The following BMPR1B variants were observed in gnomAD, a reference collection of about 807,000 sequenced individuals.
The protein encoded by BMPR1B is bone morphogenetic protein receptor type-1B.
In BMPR1B, 12 loss-of-function variants were observed where a neutral mutation model predicts 59.1. The ratio of observed to expected loss-of-function variants is 0.20; its 90% CI spans 0.13 to 0.33. The LOEUF is 0.33. Ranked by LOEUF, BMPR1B falls within the 10% of genes least tolerant of loss-of-function variation. BMPR1B has a pLI of 1.00. For synonymous variants in BMPR1B, 237 were observed against 207.3 expected, an observed-to-expected ratio of 1.14 and a Z score of -1.23; for missense variants, 550 against 610.9, an observed-to-expected ratio of 0.90 and a Z score of 1.05.
chr4:94,890,580 T>C (rs1541368), intron 2 of BMPR1B, among the ~76,000 whole-genome samples: 7,465 of 152,186 alleles, frequency 0.049, 448 homozygotes, highest in African/African-American at 0.14. Flanking sequence ...CGTAACGAAA[T>C]ACTTTAGAGT....
Position 94,840,835 on chromosome 4 carries a change from C to A in BMPR1B, c.-182-34996C>A, listed in dbSNP as rs192822186. Among the ~76,000 whole-genome samples the A allele has an allele frequency of 7.7e-4, 113 of 147,306 alleles. 2 individuals are homozygous for A. In the East Asian group the frequency reaches 0.017, roughly 22 times the overall value. On this transcript the variant is annotated intron_variant, in intron 1 of 12. Coordinates refer to ENST00000515059, the MANE Select transcript of BMPR1B (RefSeq NM_001203.3). Reference sequence around the variant, plus strand: ...CTGCGTTCCTTTGGAGGAGGAGAGGCGCTCTGCTTTTTGGAGTTTCCAGTT... The same window carrying A: ...CTGCGTTCCTTTGGAGGAGGAGAGGAGCTCTGCTTTTTGGAGTTTCCAGTT...
At chr4:94,808,801 A>G (rs1723706851) in intron 1 of BMPR1B, among the ~76,000 whole-genome samples, 1 of 152,218 alleles carries the variant, frequency 6.6e-6, no homozygotes, top group South Asian at 2.1e-4. Context: ...TCACAGCTGT[A>G]ATCCCAGCAC....
chr4:94,814,288 A>G (rs1355738677), intron 1 of BMPR1B, among the ~76,000 whole-genome samples: 3 of 152,238 alleles, frequency 2.0e-5, no homozygotes, highest in Non-Finnish European at 2.9e-5. Flanking sequence ...CTTGGAAAGG[A>G]AAACTTAAGA....
chr4:94,926,271 A>G (rs1283871773), intron 2 of BMPR1B, among the ~76,000 whole-genome samples: 2 of 151,808 alleles, frequency 1.3e-5, no homozygotes. Flanking sequence ...TTCGTTCTGA[A>G]TAGATGTTTT....
At chr4:94,903,092 A>G (rs1288602212) in intron 2 of BMPR1B, among the ~76,000 whole-genome samples, 1 of 152,070 alleles carries the variant, frequency 6.6e-6, no homozygotes, top group Non-Finnish European at 1.5e-5. Flanking sequence ...TGTATGTAGC[A>G]TGACTAAGTG....
chr4:95,062,762 G>A (rs1727495397), intron 3 of BMPR1B, among the ~76,000 whole-genome samples: 1 of 152,036 alleles, frequency 6.6e-6, no homozygotes, highest in Non-Finnish European at 1.5e-5. Context: ...TGATTTTATG[G>A]CTTTGGGCAA....
At chr4:95,005,627 C>T (rs1475137324) in intron 3 of BMPR1B, among the ~76,000 whole-genome samples, 1 of 152,116 alleles carries the variant, frequency 6.6e-6, no homozygotes, top group Non-Finnish European at 1.5e-5. Context: ...TCCTTCCTTT[C>T]TTTCCTAGTT....
intron 1 of BMPR1B, among the ~76,000 whole-genome samples, chr4:94,870,620 GTTTAA>G (rs1726451041): frequency 6.6e-6 from 1 of 152,156 alleles, no homozygotes; most frequent in Admixed American, 6.6e-5. Context: ...GTGTTCTACT[GTTTAA>G]TTTGACTTTT....
intron 6 of BMPR1B, among the ~76,000 whole-genome samples, chr4:95,118,217 T>TA (rs1732212813): frequency 6.6e-6 from 1 of 152,174 alleles, no homozygotes; most frequent in Non-Finnish European, 1.5e-5. Flanking sequence ...TGCAGATTCT[T>TA]ACCTTTTTGG....
chr4:95,021,591 A>G lies in BMPR1B; in HGVS notation c.-18+25457A>G, dbSNP rs530706529. ...TTTTTTTGGCATTTTGATATTTCCC[A>G]TTGGTCTACCAAAATTCACTAAGTC... On this transcript the variant is annotated intron_variant, in intron 3 of 12. Coordinates refer to ENST00000515059, the MANE Select transcript of BMPR1B (RefSeq NM_001203.3). Among the ~76,000 whole-genome samples, 97 of 152,286 alleles carry G rather than the reference A, an allele frequency of 6.4e-4. 3 individuals are homozygous for G. Among genetic ancestry groups the G allele is most frequent in the African/African-American group, 2.3e-3 (94 of 41,578 alleles).
intron 2 of BMPR1B, among the ~76,000 whole-genome samples, chr4:94,878,919 C>T (rs1726848231): frequency 1.3e-5 from 2 of 151,988 alleles, no homozygotes; most frequent in Non-Finnish European, 2.9e-5. Flanking sequence ...ATATTTCTAC[C>T]ATTTATTTAC....
chr4:94,907,922 C>T (rs536882043), intron 2 of BMPR1B, among the ~76,000 whole-genome samples: 2 of 151,376 alleles, frequency 1.3e-5, no homozygotes, highest in African/African-American at 4.8e-5. Context: ...TGGTGGCATG[C>T]ACCTGTATTC....
At chr4:94,921,116 C>T (rs1728671243) in intron 2 of BMPR1B, among the ~76,000 whole-genome samples, 1 of 152,020 alleles carries the variant, frequency 6.6e-6, no homozygotes, top group Non-Finnish European at 1.5e-5. Flanking sequence ...CTCACTAGGC[C>T]TTGACATTGA....
chr4:95,064,693 A>G (rs1254067716), intron 3 of BMPR1B, among the ~76,000 whole-genome samples: 1 of 152,204 alleles, frequency 6.6e-6, no homozygotes, highest in Non-Finnish European at 1.5e-5. Flanking sequence ...TAATAAAAAG[A>G]AAAATAACCC....
At chr4:94,900,705 A>G (rs1727777563) in intron 2 of BMPR1B, among the ~76,000 whole-genome samples, 1 of 152,074 alleles carries the variant, frequency 6.6e-6, no homozygotes, top group Non-Finnish European at 1.5e-5. Context: ...TCAAGTAGTA[A>G]GCAATTTGAT....
chr4:95,022,981 A>G (rs1184911170), intron 3 of BMPR1B, among the ~76,000 whole-genome samples: 1 of 152,196 alleles, frequency 6.6e-6, no homozygotes, highest in Non-Finnish European at 1.5e-5. Flanking sequence ...TAGCAGGGCC[A>G]TACTCTAAAG....
intron 3 of BMPR1B, among the ~76,000 whole-genome samples, chr4:95,059,834 T>C (rs1360179907): frequency 6.6e-6 from 1 of 152,160 alleles, no homozygotes; most frequent in African/African-American, 2.4e-5. Flanking sequence ...TTGCCAACAA[T>C]AATATAACAG....
chr4:94,832,514 G>C (rs900070063), intron 1 of BMPR1B, among the ~76,000 whole-genome samples: 1 of 152,136 alleles, frequency 6.6e-6, no homozygotes, highest in African/African-American at 2.4e-5. Flanking sequence ...GAGCATGGTC[G>C]CTCATGCCTG....
chr4:95,031,543 T>A (rs1197233219), intron 3 of BMPR1B, among the ~76,000 whole-genome samples: 2 of 152,028 alleles, frequency 1.3e-5, no homozygotes, highest in African/African-American at 2.4e-5. Flanking sequence ...ACTATAGCCT[T>A]GAACTCCTAG....
Sources: gnomAD v4.1 joint callset for allele counts (sites outside exome capture counted in the v4.1 genomes callset) on GRCh38, gnomAD v4.1.1 for gene constraint, MANE v1.5 for transcripts, NCBI Gene and HGNC (gene_info 2026-07-23, HGNC 2026-07-21) for gene names.